KCNH7: variants seen among roughly 807,000 people sequenced by gnomAD.
KCNH7 encodes voltage-gated inwardly rectifying potassium channel KCNH7.
KCNH7 carries 49 observed loss-of-function variants against 120.8 expected under a neutral mutation model. The ratio of observed to expected loss-of-function variants is 0.41; its 90% CI spans 0.32 to 0.51. The LOEUF is 0.51. Ranked by LOEUF, KCNH7 falls within the 20% of genes least tolerant of loss-of-function variation. KCNH7 has a pLI of 0.38. For missense variants in KCNH7, 1,097 were observed against 1,446.6 expected (o/e 0.76, Z 3.92); for synonymous variants, 547 against 516.1 (o/e 1.06, Z -0.81).
chr2:162,562,751 T>C (rs139641238), intron 2 of KCNH7, among the ~76,000 whole-genome samples: 1 of 152,268 alleles, frequency 6.6e-6, no homozygotes, highest in African/African-American at 2.4e-5. Flanking sequence ...AACCAGCTCT[T>C]CAATGTCTGT....
intron 2 of KCNH7, among the ~76,000 whole-genome samples, chr2:162,705,753 G>A (rs1289986402): frequency 6.6e-6 from 1 of 152,074 alleles, no homozygotes; most frequent in Non-Finnish European, 1.5e-5. Context: ...AATCCTTGCT[G>A]AGAGGATCCA....
In KCNH7 at chr2:162,799,286, A is replaced by G. The variant is rs185015209; in HGVS notation, c.307+37251T>C. ...ATGATGGGGTCTGAATGGTCCCTAT[A>G]TTGTGTTTAATTTTTTCTCCCTAAA... On this transcript the variant is annotated intron_variant, in intron 2 of 15. Coordinates refer to ENST00000332142, the MANE Select transcript of KCNH7 (RefSeq NM_033272.4). Among the ~76,000 whole-genome samples, 23 of 151,968 alleles carry G rather than the reference A, an allele frequency of 1.5e-4. No individual in the cohort carries two copies. In the East Asian group the frequency reaches 3.5e-3, roughly 23 times the overall value.
chr2:162,815,947 TA>T (rs1361340086), intron 2 of KCNH7, among the ~76,000 whole-genome samples: 3 of 152,170 alleles, frequency 2.0e-5, no homozygotes, highest in East Asian at 1.9e-4. Flanking sequence ...TCCTCCAGTT[TA>T]AAAAAATTTA....
chr2:162,415,929 C>G (rs1394191424), intron 9 of KCNH7, among the ~76,000 whole-genome samples: 1 of 152,056 alleles, frequency 6.6e-6, no homozygotes, highest in East Asian at 1.9e-4. Flanking sequence ...CTAGGCCAGC[C>G]TATATATTTT....
intron 2 of KCNH7, among the ~76,000 whole-genome samples, chr2:162,704,000 A>G (rs894145723): frequency 2.0e-5 from 3 of 152,204 alleles, no homozygotes; most frequent in Non-Finnish European, 4.4e-5. Context: ...AACATAAAAA[A>G]TAAAGGTACA....
intron 2 of KCNH7, among the ~76,000 whole-genome samples, chr2:162,662,329 G>A (rs1339570226): frequency 6.6e-6 from 1 of 152,120 alleles, no homozygotes; most frequent in Non-Finnish European, 1.5e-5. Context: ...TTTCCATGTA[G>A]TATTGATGAC....
intron 2 of KCNH7, among the ~76,000 whole-genome samples, chr2:162,550,117 C>T (rs115246208): frequency 6.6e-6 from 1 of 152,238 alleles, no homozygotes; most frequent in African/African-American, 2.4e-5. Flanking sequence ...GTGTGGAATG[C>T]TTGGCAAAAT....
chr2:162,787,639 T>C (rs1683760347), intron 2 of KCNH7, among the ~76,000 whole-genome samples: 1 of 152,184 alleles, frequency 6.6e-6, no homozygotes, highest in African/African-American at 2.4e-5. Context: ...GATCAAGTCT[T>C]TCCCATGGAT....
chr2:162,786,797 T>C (rs1330958285), intron 2 of KCNH7, among the ~76,000 whole-genome samples: 1 of 152,186 alleles, frequency 6.6e-6, no homozygotes, highest in Non-Finnish European at 1.5e-5. Context: ...ATCAGCAACA[T>C]GGTGGAATAG....
At chr2:162,403,912 A>C (rs1021608374) in intron 9 of KCNH7, among the ~76,000 whole-genome samples, 2 of 152,012 alleles carry the variant, frequency 1.3e-5, no homozygotes, top group African/African-American at 2.4e-5. Flanking sequence ...AGGTAGAAGT[A>C]CATTGAAAAA....
intron 2 of KCNH7, among the ~76,000 whole-genome samples, chr2:162,770,067 T>A (rs1682985890): frequency 6.6e-6 from 1 of 152,080 alleles, no homozygotes; most frequent in African/African-American, 2.4e-5. Context: ...ATGAAACAAT[T>A]GGCTGGTTTA....
rs368974985 is a variant in KCNH7, at chr2:162,551,761, T to C, written c.308-14681A>G. On this transcript the variant is annotated intron_variant, in intron 2 of 15. Transcript: ENST00000332142. ...TAAAGTACTCAAGGTATAGTGTGGGTGCCCCAAGTATGTAACTTATTATTT... is the reference window on the plus strand; with the variant it reads ...TAAAGTACTCAAGGTATAGTGTGGGCGCCCCAAGTATGTAACTTATTATTT... Among the ~76,000 whole-genome samples, 3 of 152,104 alleles carry C rather than the reference T, an allele frequency of 2.0e-5. No individual in the cohort carries two copies. In the East Asian group the frequency reaches 5.8e-4, roughly 29 times the overall value.
At chr2:162,791,606 C>T (rs1473525318) in intron 2 of KCNH7, among the ~76,000 whole-genome samples, 2 of 152,018 alleles carry the variant, frequency 1.3e-5, no homozygotes, top group South Asian at 2.1e-4. Flanking sequence ...TATAGGAATG[C>T]TAGTGATTTT....
intron 2 of KCNH7, among the ~76,000 whole-genome samples, chr2:162,817,796 G>C (rs1224006444): frequency 1.3e-5 from 2 of 151,996 alleles, no homozygotes; most frequent in Non-Finnish European, 2.9e-5. Context: ...TATACTTCCA[G>C]TTTCATATGC....
intron 6 of KCNH7, among the ~76,000 whole-genome samples, chr2:162,495,443 A>G (rs925341936): frequency 6.6e-6 from 1 of 152,154 alleles, no homozygotes; most frequent in African/African-American, 2.4e-5. Context: ...AGGCTTTAAA[A>G]GGTCTTATCT....
chr2:162,680,229 T>C (rs1359681080), intron 2 of KCNH7, among the ~76,000 whole-genome samples: 5 of 151,476 alleles, frequency 3.3e-5, no homozygotes, highest in Non-Finnish European at 7.4e-5. Context: ...TCTAACAATA[T>C]TTTCACCTGA....
rs1683347767 is a variant in KCNH7, at chr2:162,621,270, T to TTTTTTTTA, written c.308-84198_308-84191dup. 1.5e-5 allele frequency among the ~76,000 whole-genome samples: 2 copies of TTTTTTTTA among 137,232 alleles called. 1 individual carries two copies. Among genetic ancestry groups the TTTTTTTTA allele is most frequent in the Non-Finnish European group, 3.1e-5 (2 of 63,978 alleles). 90.0% of individuals were successfully genotyped at this position (137,232 alleles called of 152,430 possible). ...TCATCATCTTTTTTTTTTTTTTTTT[T>TTTTTTTTA]TTTTTTTAAGAGAGAGAATATGTAA... On this transcript the variant is annotated intron_variant, in intron 2 of 15. Coordinates refer to ENST00000332142, the MANE Select transcript of KCNH7 (RefSeq NM_033272.4).
intron 2 of KCNH7, among the ~76,000 whole-genome samples, chr2:162,546,721 G>T (rs1176588889): frequency 1.3e-5 from 2 of 152,098 alleles, no homozygotes; most frequent in Non-Finnish European, 2.9e-5. Context: ...CTAATTCATA[G>T]CTTAGAATGA....
Position 162,838,554 on chromosome 2 carries a change from G to T in KCNH7, c.-36C>A, listed in dbSNP as rs571927770. 3 of 1,555,500 alleles carry T rather than the reference G, an allele frequency of 1.9e-6. No homozygotes were observed. The highest frequency in any genetic ancestry group is 1.8e-6 in the Non-Finnish European group (2 of 1,133,502). ...GTCTTCCGAGGAGCGCTCCCCCGGA[G>T]CTCTGGAGTTCTCCCGGGATCTCTC... On this transcript the variant is annotated 5_prime_UTR_variant, in exon 1 of 16. Coordinates refer to ENST00000332142, the MANE Select transcript of KCNH7 (RefSeq NM_033272.4).
Sources: gnomAD v4.1 joint callset for allele counts (sites outside exome capture counted in the v4.1 genomes callset) on GRCh38, gnomAD v4.1.1 for gene constraint, MANE v1.5 for transcripts, NCBI Gene and HGNC (gene_info 2026-07-23, HGNC 2026-07-21) for gene names.